The following ZBTB7C variants were observed in gnomAD, a reference collection of about 807,000 sequenced individuals.
ZBTB7C encodes zinc finger and BTB domain containing 7C, also known as zinc finger and BTB domain-containing protein 7C.
Under a neutral mutation model 25.7 loss-of-function variants are expected in ZBTB7C, and 8 were observed. The observed-to-expected ratio is 0.31, with a 90% CI of 0.18 to 0.56. ZBTB7C has a LOEUF of 0.56. Ranked by LOEUF, ZBTB7C falls within the 20% of genes least tolerant of loss-of-function variation. The pLI, the probability that ZBTB7C is intolerant of heterozygous loss-of-function variation, is 0.91. For synonymous variants in ZBTB7C, 394 were observed against 369.0 expected (o/e 1.07, Z -0.78); for missense variants, 824 against 855.2 (o/e 0.96, Z 0.46).
At chr18:48,049,546 C>G (rs1021038065) in intron 3 of ZBTB7C, among the ~76,000 whole-genome samples, 1 of 152,184 alleles carries the variant, frequency 6.6e-6, no homozygotes, top group Non-Finnish European at 1.5e-5. Context: ...TTTGAAATCA[C>G]AAAAGGCAGT....
At chr18:48,053,297 T>C (rs7226941) in intron 3 of ZBTB7C, among the ~76,000 whole-genome samples, 77,710 of 151,958 alleles carry the variant, frequency 0.51, 20,273 homozygotes, top group East Asian at 0.58. Flanking sequence ...CCCACAGGCC[T>C]TGCATGCGCG....
intron 2 of ZBTB7C, among the ~76,000 whole-genome samples, chr18:48,249,539 G>A (rs996209170): frequency 2.0e-5 from 3 of 152,238 alleles, no homozygotes; most frequent in Non-Finnish European, 4.4e-5. Flanking sequence ...CTCCCAGCAT[G>A]TATTACATTT....
chr18:48,143,905 A>G (rs1018347672), intron 3 of ZBTB7C, among the ~76,000 whole-genome samples: 9 of 152,130 alleles, frequency 5.9e-5, no homozygotes, highest in Admixed American at 2.0e-4. Flanking sequence ...CTGAACCCGG[A>G]TCCCTCTCCC....
intron 2 of ZBTB7C, among the ~76,000 whole-genome samples, chr18:48,247,860 C>A (rs116464965): frequency 0.019 from 2,861 of 152,244 alleles, 36 homozygotes; most frequent in South Asian, 0.037. Context: ...CACCCCCCTG[C>A]GAAGAGGTGC....
At chr18:48,055,224 T>A (rs9945580) in intron 3 of ZBTB7C, among the ~76,000 whole-genome samples, 77,284 of 150,978 alleles carry the variant, frequency 0.51, 20,161 homozygotes, top group East Asian at 0.57. Context: ...AGCCTGGCCA[T>A]CATGGTGAAA....
At chr18:48,357,059 G>A (rs2046991604) in intron 1 of ZBTB7C, among the ~76,000 whole-genome samples, 1 of 152,224 alleles carries the variant, frequency 6.6e-6, no homozygotes, top group Non-Finnish European at 1.5e-5. Flanking sequence ...CACAGGGAAG[G>A]AATGAACCAT....
intron 1 of ZBTB7C, among the ~76,000 whole-genome samples, chr18:48,370,364 T>C (rs1163081658): frequency 6.6e-6 from 1 of 152,206 alleles, no homozygotes; most frequent in Non-Finnish European, 1.5e-5. Flanking sequence ...TATAATATTC[T>C]TGAGATGACA....
intron 3 of ZBTB7C, among the ~76,000 whole-genome samples, chr18:48,183,512 G>A (rs2041980855): frequency 1.3e-5 from 2 of 152,080 alleles, no homozygotes; most frequent in Admixed American, 1.3e-4. Flanking sequence ...AACAGACTTC[G>A]GGATTGATTT....
intron 2 of ZBTB7C, among the ~76,000 whole-genome samples, chr18:48,309,685 G>A (rs9961706): frequency 2.0e-4 from 31 of 152,224 alleles, no homozygotes; most frequent in African/African-American, 6.8e-4. Context: ...TTGGAAGAAC[G>A]TAAATCTCAG....
At chr18:48,316,827 A>G (rs1243716310) in intron 2 of ZBTB7C, among the ~76,000 whole-genome samples, 2 of 152,222 alleles carry the variant, frequency 1.3e-5, no homozygotes, top group African/African-American at 4.8e-5. Context: ...GAGGCAATGA[A>G]GAGACCTCGT....
At chr18:48,186,981 G>A (rs923211927) in intron 2 of ZBTB7C, among the ~76,000 whole-genome samples, 2 of 152,220 alleles carry the variant, frequency 1.3e-5, no homozygotes, top group African/African-American at 2.4e-5. Flanking sequence ...CCTTGACACT[G>A]GCTGAAGCGC....
At chr18:48,382,924 A>G (rs570910707) in intron 1 of ZBTB7C, among the ~76,000 whole-genome samples, 3 of 152,360 alleles carry the variant, frequency 2.0e-5, no homozygotes, top group Admixed American at 1.3e-4. Flanking sequence ...CTGCAACTTG[A>G]AAAGTGTAAA....
At chr18:48,168,475 C>T (rs772903458) in intron 3 of ZBTB7C, among the ~76,000 whole-genome samples, 1 of 152,154 alleles carries the variant, frequency 6.6e-6, no homozygotes, top group Non-Finnish European at 1.5e-5. Flanking sequence ...AAGTTACAGA[C>T]ATAGGTTTAA....
At chr18:48,081,825 T>C (rs973726922) in intron 3 of ZBTB7C, among the ~76,000 whole-genome samples, 1 of 152,126 alleles carries the variant, frequency 6.6e-6, no homozygotes, top group Non-Finnish European at 1.5e-5. Flanking sequence ...CAAACTGAGA[T>C]GAGCTGCAAG....
chr18:48,323,730 G>T (rs1416193907), intron 2 of ZBTB7C, among the ~76,000 whole-genome samples: 1 of 152,220 alleles, frequency 6.6e-6, no homozygotes, highest in African/African-American at 2.4e-5. Flanking sequence ...GGGCTGTGCA[G>T]TGAGTAAGGA....
At position 48,058,453 on chromosome 18, in the gene ZBTB7C, C is replaced by G. The variant is rs1051061833; in HGVS notation, c.-16-17330G>C. Among the ~76,000 whole-genome samples the G allele has an allele frequency of 2.6e-5, 4 of 152,218 alleles. No homozygotes were observed. The South Asian group carries it at 6.2e-4, about 24-fold the overall frequency. On this transcript the variant is annotated intron_variant, in intron 3 of 4. Coordinates refer to ENST00000590800, the MANE Select transcript of ZBTB7C (RefSeq NM_001318841.2). ...CTTTTTAAAGCTGGTCTCTAAACTG[C>G]CTCTGAACAGTCCATTCTCTTTTCT...
In ZBTB7C at chr18:48,029,334, C is replaced by T; in HGVS notation, c.1786G>A (p.Ala596Thr). ...RPYFPLPDPW[A>T]AGLAGLPGLA... ...CCAGGGAGGCCGGCCAGGCCGGCGG[C>T]CCAAGGGTCGGGCAGCGGGAAGTAG... is the stretch of plus-strand genomic sequence containing the variant. The change falls in exon 5 of 5, where the codon GCC becomes ACC. Residue 596 changes from alanine to threonine, a missense_variant. By Grantham distance (58) the Ala-to-Thr change is moderately conservative (BLOSUM62 0). Transcript: ENST00000590800. 6.5e-7 allele frequency: 1 copy of T among 1,542,080 alleles called. No homozygotes were observed. The highest frequency in any genetic ancestry group is 1.2e-5 in the South Asian group (1 of 84,798).
intron 3 of ZBTB7C, among the ~76,000 whole-genome samples, chr18:48,145,639 T>C (rs1164721457): frequency 6.6e-6 from 1 of 152,212 alleles, no homozygotes; most frequent in Non-Finnish European, 1.5e-5. Context: ...CGAGAGCCAA[T>C]GATGATATAG....
chr18:48,225,044 G>T (rs756642245), intron 2 of ZBTB7C, among the ~76,000 whole-genome samples: 1 of 152,270 alleles, frequency 6.6e-6, no homozygotes, highest in East Asian at 1.9e-4. Context: ...ATTTCTGATT[G>T]CCCTCTTCCC....
Sources: allele counts gnomAD v4.1 joint callset (sites outside exome capture counted in the v4.1 genomes callset), GRCh38; gene constraint gnomAD v4.1.1; transcripts MANE v1.5; gene names NCBI Gene and HGNC (gene_info 2026-07-23, HGNC 2026-07-21).